The following SYT9 variants were observed in gnomAD, a reference collection of about 807,000 sequenced individuals.
The protein encoded by SYT9 is synaptotagmin-9.
A neutral mutation model predicts 48.4 loss-of-function variants in SYT9; 22 were observed. That is an observed-to-expected ratio of 0.45 (90% CI 0.32 to 0.65). The LOEUF (loss-of-function observed/expected upper bound fraction) is 0.65, where lower values mean the gene tolerates loss of function less well. SYT9 is among the 30% of genes least tolerant of loss of function. The pLI, the probability that SYT9 is intolerant of heterozygous loss-of-function variation, is 0.03. For synonymous variants in SYT9, 265 were observed against 245.0 expected (o/e 1.08, Z -0.76); for missense variants, 577 against 622.0 (o/e 0.93, Z 0.77).
chr11:7,258,974 A>G (rs1443557839), intron 1 of SYT9, among the ~76,000 whole-genome samples: 5 of 152,122 alleles, frequency 3.3e-5, no homozygotes, highest in Admixed American at 6.5e-5. Flanking sequence ...ATGTATTACT[A>G]GTATCTGGGT....
intron 3 of SYT9, among the ~76,000 whole-genome samples, chr11:7,319,166 C>CTTTTTTTTTTTTTTTTTTTTTTTTTTTTT (rs36130335): frequency 7.8e-6 from 1 of 127,958 alleles, no homozygotes. Flanking sequence ...CCTATTTCTT[C>CTTTTTTTTTTTTTTTTTTTTTTTTTTTTT]TTTTTTTTTT....
chr11:7,308,590 C>T (rs1240839194), intron 2 of SYT9, among the ~76,000 whole-genome samples: 1 of 152,192 alleles, frequency 6.6e-6, no homozygotes, highest in Non-Finnish European at 1.5e-5. Context: ...CTACAGCATC[C>T]GCTTGAGGTG....
intron 6 of SYT9, among the ~76,000 whole-genome samples, chr11:7,465,324 A>G (rs1036729222): frequency 6.6e-6 from 1 of 152,136 alleles, no homozygotes; most frequent in Non-Finnish European, 1.5e-5. Flanking sequence ...GGCTTTTAAT[A>G]CTTTCCTTAA....
At chr11:7,299,091 T>C (rs1482684564) in intron 1 of SYT9, among the ~76,000 whole-genome samples, 1 of 152,222 alleles carries the variant, frequency 6.6e-6, no homozygotes, top group African/African-American at 2.4e-5. Context: ...CATATATTTT[T>C]CAATTTTTAA....
exon 1 of SYT9, chr11:7,238,906 A>C (rs1847712387): frequency 2.2e-6 from 1 of 455,986 alleles, no homozygotes; most frequent in Non-Finnish European, 4.4e-6. Context: ...TAGCTTTCAA[A>C]GGAGGCAGAG....
upstream of SYT9, among the ~76,000 whole-genome samples, chr11:7,251,171 T>C (rs753892832): frequency 1.1e-4 from 16 of 151,892 alleles, no homozygotes; most frequent in Middle Eastern, 3.4e-3. Context: ...CTTTACTGCT[T>C]GAAAGGCTGA....
intron 6 of SYT9, among the ~76,000 whole-genome samples, chr11:7,428,199 A>G (rs959613460): frequency 2.0e-5 from 3 of 152,222 alleles, no homozygotes; most frequent in East Asian, 1.9e-4. Flanking sequence ...GATAATGACA[A>G]TGTGGTAGAA....
chr11:7,446,247 G>A (rs908859522), intron 6 of SYT9, among the ~76,000 whole-genome samples: 10 of 152,226 alleles, frequency 6.6e-5, no homozygotes, highest in Admixed American at 6.5e-5. Flanking sequence ...CATGGTTATC[G>A]TTGGAAGGAC....
rs182605015 is a variant in SYT9 at position 7,286,102 on chromosome 11, C to A, written c.146-16937C>A. ...TTCTCACAGATCCACTAGGCAGTGTCCCAGTGGGGACTCTGTGTGAGGGCT... is the reference window on the plus strand; with the variant it reads ...TTCTCACAGATCCACTAGGCAGTGTACCAGTGGGGACTCTGTGTGAGGGCT... On this transcript the variant is annotated intron_variant, in intron 1 of 6. Coordinates refer to ENST00000318881, the MANE Select transcript of SYT9 (RefSeq NM_175733.4). Among the ~76,000 whole-genome samples the A allele has an allele frequency of 2.0e-3, 302 of 152,314 alleles. 1 individual carries two copies. The highest frequency in any genetic ancestry group is 6.8e-3 in the African/African-American group (284 of 41,582).
intron 3 of SYT9, among the ~76,000 whole-genome samples, chr11:7,319,565 G>A (rs912009490): frequency 2.6e-5 from 4 of 152,160 alleles, no homozygotes; most frequent in Non-Finnish European, 5.9e-5. Flanking sequence ...AATGCGAATT[G>A]TCAGTATTAA....
chr11:7,424,544 G>A (rs573279321), intron 6 of SYT9, among the ~76,000 whole-genome samples: 35 of 152,254 alleles, frequency 2.3e-4, no homozygotes, highest in Non-Finnish European at 4.1e-4. Context: ...AGTTTTCATC[G>A]CTTCCCTGTG....
At chr11:7,457,670 A>G (rs1446402792) in intron 6 of SYT9, 4 of 152,230 alleles carry the variant, frequency 2.6e-5, no homozygotes, top group Non-Finnish European at 5.9e-5. Context: ...CTGAATGCCA[A>G]AGAGCCAGGC....
At chr11:7,351,968 T>C (rs575938278) in intron 3 of SYT9, among the ~76,000 whole-genome samples, 1 of 152,174 alleles carries the variant, frequency 6.6e-6, no homozygotes, top group East Asian at 1.9e-4. Flanking sequence ...GGGAACAGGA[T>C]GGGAGTGGGA....
chr11:7,347,124 G>A (rs1253149316), intron 3 of SYT9, among the ~76,000 whole-genome samples: 2 of 152,212 alleles, frequency 1.3e-5, no homozygotes. Flanking sequence ...TTCAAAGGAA[G>A]CTTGTCTGTC....
At chr11:7,373,563 A>G (rs539360259) in intron 3 of SYT9, among the ~76,000 whole-genome samples, 1 of 152,160 alleles carries the variant, frequency 6.6e-6, no homozygotes, top group South Asian at 2.1e-4. Flanking sequence ...TCAGATTTGT[A>G]TTTTATTTTG....
intron 3 of SYT9, among the ~76,000 whole-genome samples, chr11:7,414,951 C>T (rs1367697149): frequency 6.6e-6 from 1 of 152,190 alleles, no homozygotes; most frequent in African/African-American, 2.4e-5. Context: ...TCGATAACCT[C>T]AGGTATCTCT....
upstream of SYT9, among the ~76,000 whole-genome samples, chr11:7,248,498 T>C (rs188802916): frequency 1.3e-5 from 2 of 152,324 alleles, no homozygotes; most frequent in Admixed American, 1.3e-4. Context: ...CTTGAGTTGA[T>C]TTTTGTATAA....
intron 6 of SYT9, among the ~76,000 whole-genome samples, chr11:7,442,510 G>A (rs1413857728): frequency 6.6e-6 from 1 of 152,144 alleles, no homozygotes; most frequent in Non-Finnish European, 1.5e-5. Flanking sequence ...TATCTTGCTG[G>A]GAATCGGGAT....
chr11:7,437,506 A>G (rs373059664), intron 6 of SYT9: 11 of 152,346 alleles, frequency 7.2e-5, no homozygotes, highest in African/African-American at 2.2e-4. Flanking sequence ...TATGGATTCA[A>G]TAAACACTGT....
Sources: gnomAD v4.1 joint callset for allele counts (sites outside exome capture counted in the v4.1 genomes callset) on GRCh38, gnomAD v4.1.1 for gene constraint, MANE v1.5 for transcripts, NCBI Gene and HGNC (gene_info 2026-07-23, HGNC 2026-07-21) for gene names.